The following BST1 variants were observed in gnomAD, a reference collection of about 807,000 sequenced individuals.
The protein encoded by BST1 is ADP-ribosyl cyclase/cyclic ADP-ribose hydrolase 2.
BST1 carries 49 observed loss-of-function variants against 40.6 expected under a neutral mutation model. The observed-to-expected ratio is 1.21, with a 90% CI of 0.96 to 1.53. The LOEUF (loss-of-function observed/expected upper bound fraction) is 1.53, where lower values mean the gene tolerates loss of function less well. BST1 is among the 40% of genes most tolerant of loss of function. The pLI, the probability that BST1 is intolerant of heterozygous loss-of-function variation, is 0.00. For synonymous variants in BST1, 157 were observed against 159.3 expected (o/e 0.99, Z 0.11); for missense variants, 423 against 395.9 (o/e 1.07, Z -0.58).
In BST1 at chr4:15,705,566, G is replaced by A. The variant is rs768288586; in HGVS notation, c.240G>A (p.Lys80=). The A allele has an allele frequency of 1.2e-6, 2 of 1,610,448 alleles. No individual in the cohort carries two copies. Among genetic ancestry groups the A allele is most frequent in the East Asian group, 2.2e-5 (1 of 44,844 alleles). The change falls in exon 2 of 9, where the codon AAG becomes AAA. Residue 80 remains lysine, a synonymous_variant. Transcript: ENST00000265016. Reference sequence around the variant, plus strand: ...AAGCCTTTAAAGTGGCGCTGGACAAGGATCCCTGCTCCGTGCTGCCCTCAG... The same window carrying A: ...AAGCCTTTAAAGTGGCGCTGGACAAAGATCCCTGCTCCGTGCTGCCCTCAG... The part of the protein sequence containing the change: ...IWEAFKVALD[K]DPCSVLPSDY...
intron 1 of BST1, chr4:15,705,011 AC>A (rs1455349757): frequency 1.3e-6 from 1 of 742,908 alleles, no homozygotes. Flanking sequence ...TTTTTTGAAA[AC>A]TAGCATGGAC....
At chr4:15,754,078 TG>T in the BST1 span, among the ~76,000 whole-genome samples, 3 of 152,158 alleles carry the variant, frequency 2.0e-5, no homozygotes, top group South Asian at 4.2e-4. Flanking sequence ...GAAGGCCAAG[TG>T]GGGGGGTGTG....
At chr4:15,724,799 G>A (rs1036677316) in intron 8 of BST1, among the ~76,000 whole-genome samples, 4 of 152,166 alleles carry the variant, frequency 2.6e-5, no homozygotes, top group Admixed American at 2.6e-4. Flanking sequence ...TTTAGTAATA[G>A]AACCCTTGAA....
intron 6 of BST1, among the ~76,000 whole-genome samples, chr4:15,717,111 T>C (rs1720558896): frequency 6.6e-6 from 1 of 152,160 alleles, no homozygotes; most frequent in African/African-American, 2.4e-5. Context: ...CGTTCACTTA[T>C]CTCTGTGTCC....
chr4:15,750,373 T>G, the BST1 span, among the ~76,000 whole-genome samples: 2 of 152,160 alleles, frequency 1.3e-5, no homozygotes, highest in Admixed American at 6.6e-5. Context: ...GTGATGTATG[T>G]TTTTCTGGGC....
the BST1 span, among the ~76,000 whole-genome samples, chr4:15,755,077 T>G: frequency 2.4e-3 from 365 of 152,354 alleles, 2 homozygotes; most frequent in African/African-American, 8.3e-3. Context: ...TGTTTTGTAA[T>G]TTATTTAACC....
downstream of BST1, chr4:15,736,118 A>T (rs980659869): frequency 3.1e-6 from 4 of 1,288,760 alleles, no homozygotes; most frequent in African/African-American, 4.6e-5. Flanking sequence ...CGCCGGTTCT[A>T]GCCTTTGTAC....
In BST1 at chr4:15,715,359, A is replaced by G; in HGVS notation, c.609A>G (p.Lys203=). 16 of 1,614,014 alleles carry G rather than the reference A, an allele frequency of 9.9e-6. No individual in the cohort carries two copies. The highest frequency in any genetic ancestry group is 1.4e-5 in the Non-Finnish European group (16 of 1,179,866). The change falls in exon 5 of 9, where the codon AAA becomes AAG. Residue 203 remains lysine (K), a splice_region_variant and synonymous_variant. Transcript: ENST00000265016. ...GSEPTGAYPI[K]GFFADYEIPN... is the part of the protein sequence containing the mutation. ...AGCCAACAGGAGCCTATCCCATCAAAGGGTAAGAACACCAGCACATTCAAA... is the reference window on the plus strand; with the variant it reads ...AGCCAACAGGAGCCTATCCCATCAAGGGGTAAGAACACCAGCACATTCAAA...
chr4:15,722,834 G>C lies in BST1; in HGVS notation c.792-41G>C, dbSNP rs1176399365. On this transcript the variant is annotated intron_variant, in intron 7 of 8. Coordinates refer to ENST00000265016, the MANE Select transcript of BST1 (RefSeq NM_004334.3). ...AGCCATAAATGGTTGATGGATGAAA[G>C]TTATTTAAATAATCCCTTAAATATT... 3 of 1,569,114 alleles carry C rather than the reference G, an allele frequency of 1.9e-6. No homozygotes were observed. The South Asian group carries it at 3.4e-5, about 18-fold the overall frequency.
At chr4:15,734,535 G>A (rs757500445), downstream of BST1, among the ~76,000 whole-genome samples, 56 of 152,016 alleles carry the variant, frequency 3.7e-4, no homozygotes, top group Non-Finnish European at 6.5e-4. Flanking sequence ...CTAAACTTAG[G>A]GGTTTACATA....
chr4:15,770,286 C>T, the BST1 span, among the ~76,000 whole-genome samples: 1 of 152,166 alleles, frequency 6.6e-6, no homozygotes, highest in Non-Finnish European at 1.5e-5. Context: ...CCTCTTGTCC[C>T]CAGGTGTCCC....
chr4:15,733,029 C>T (rs4336220), downstream of BST1, among the ~76,000 whole-genome samples: 13,227 of 152,092 alleles, frequency 0.087, 1,217 homozygotes, highest in East Asian at 0.53. Context: ...AAAGGTAGTG[C>T]GGACCCAAAG....
the BST1 span, among the ~76,000 whole-genome samples, chr4:15,772,112 A>T: frequency 5.3e-5 from 8 of 151,994 alleles, no homozygotes; most frequent in Non-Finnish European, 1.0e-4. Context: ...TAGCCCTTTG[A>T]TCTATTTGAC....
chr4:15,749,300 T>G, the BST1 span, among the ~76,000 whole-genome samples: 2 of 152,198 alleles, frequency 1.3e-5, no homozygotes, highest in African/African-American at 4.8e-5. Context: ...ATTGCCAAGA[T>G]GAATAAGCAC....
chr4:15,741,171 G>A (rs1157109583), downstream of BST1, among the ~76,000 whole-genome samples: 1 of 152,104 alleles, frequency 6.6e-6, no homozygotes, highest in Non-Finnish European at 1.5e-5. Context: ...CAGACAAGTA[G>A]AATCACAGAT....
intron 2 of BST1, among the ~76,000 whole-genome samples, chr4:15,706,465 A>G (rs1243202410): frequency 6.6e-6 from 1 of 152,248 alleles, no homozygotes; most frequent in Non-Finnish European, 1.5e-5. Context: ...GTACCAGTTT[A>G]TTTAAGAAAA....
At chr4:15,760,342 G>A in the BST1 span, among the ~76,000 whole-genome samples, 13 of 151,694 alleles carry the variant, frequency 8.6e-5, no homozygotes, top group African/African-American at 3.2e-4. Flanking sequence ...AAGGATATTT[G>A]GGTTGTTTCT....
chr4:15,709,365 G>A (rs1720058800), intron 3 of BST1, among the ~76,000 whole-genome samples: 1 of 152,210 alleles, frequency 6.6e-6, no homozygotes, highest in Non-Finnish European at 1.5e-5. Context: ...AGGAAAGTGT[G>A]AGCTATGAGG....
chr4:15,753,112 A>T, the BST1 span, among the ~76,000 whole-genome samples: 1 of 152,248 alleles, frequency 6.6e-6, no homozygotes, highest in Non-Finnish European at 1.5e-5. Flanking sequence ...TAAGAAGATA[A>T]AGTGGCTGTC....
Sources: gnomAD v4.1 joint callset for allele counts (sites outside exome capture counted in the v4.1 genomes callset) on GRCh38, gnomAD v4.1.1 for gene constraint, MANE v1.5 for transcripts, NCBI Gene and HGNC (gene_info 2026-07-23, HGNC 2026-07-21) for gene names.